SMC3: variants seen among roughly 807,000 people sequenced by gnomAD.
The protein encoded by SMC3 is structural maintenance of chromosomes protein 3.
SMC3 carries 20 observed loss-of-function variants against 171.8 expected under a neutral mutation model. The observed-to-expected ratio is 0.12, with a 90% confidence interval of 0.08 to 0.17. The LOEUF (loss-of-function observed/expected upper bound fraction) is 0.17. Among genes scored for constraint, SMC3 ranks in the 10% least tolerant of loss-of-function variants. The pLI, the probability that SMC3 is intolerant of heterozygous loss-of-function variation, is 1.00. For missense variants in SMC3, 543 were observed against 1,420.4 expected (o/e 0.38, Z 9.93); for synonymous variants, 464 against 451.1 (o/e 1.03, Z -0.36).
chr10:110,600,340 A>G, intron 21 of SMC3, 99 bp from the exon 22 acceptor site: 1 of 731,978 alleles, frequency 1.4e-6, no homozygotes, highest in Non-Finnish European at 2.5e-6. Flanking sequence ...ACTTCATTTC[A>G]GCTCACATGA....
chr10:110,567,884 T>G, intron 1 of SMC3, 53 bp downstream of exon 1: 2 of 1,607,514 alleles, frequency 1.2e-6, no homozygotes, highest in Non-Finnish European at 8.5e-7. Context: ...GGCCGCTCCT[T>G]GAGGCGGGAG....
rs1216925710 is a variant in SMC3 at position 110,583,966 on chromosome 10, T to C, written c.1091+4T>C. On this transcript the variant is annotated splice_donor_region_variant and intron_variant, in intron 12 of 28. Coordinates refer to ENST00000361804, the MANE Select transcript of SMC3 (RefSeq NM_005445.4). ...AAGAAGAACGAGGAATTGCTAGGTC[T>C]GAGAACTTTCACCAACACTTTAACT... The C allele has an allele frequency of 6.2e-7, 1 of 1,613,242 alleles. No homozygotes were observed.
chr10:110,578,502 A>T, intron 6 of SMC3, 126 bp from the exon 7 acceptor site: 1 of 695,076 alleles, frequency 1.4e-6, no homozygotes, highest in Non-Finnish European at 2.6e-6. Flanking sequence ...AGTTCTGAGG[A>T]TGATACAGAT....
chr10:110,590,778 G>A lies in SMC3; in HGVS notation c.1670+206G>A, dbSNP rs140478326. Among the ~76,000 whole-genome samples the A allele has an allele frequency of 0.021, 3,250 of 152,126 alleles. 44 individuals are homozygous for A. The highest frequency in any genetic ancestry group is 0.048 in the Admixed American group (739 of 15,288). ...CTCTTTTGGGAGTTTCTCCCTCCCC[G>A]CCATTGGAATTTTTAAAGTAGTCTT... On this transcript the variant is annotated intron_variant, in intron 16 of 28. Coordinates refer to ENST00000361804, the MANE Select transcript of SMC3 (RefSeq NM_005445.4).
Position 110,598,302 on chromosome 10 carries a change from T to C in SMC3, c.2268+12T>C. ...CCTTCATGCCTAAGGTTCGTAAGTA[T>C]ATCTTTGGTTATAGATCGATTGTTA... On this transcript the variant is annotated intron_variant, in intron 20 of 28. Transcript: ENST00000361804. The C allele has an allele frequency of 1.9e-6, 3 of 1,611,390 alleles. No homozygotes were observed. The highest frequency in any genetic ancestry group is 1.1e-5 in the South Asian group (1 of 90,998).
At chr10:110,602,425 ATATATAATTCTAAGCAAAATT>A in intron 25 of SMC3, 28 bp from the exon 26 acceptor site, 1 of 1,421,972 alleles carries the variant, frequency 7.0e-7, no homozygotes, top group East Asian at 2.4e-5. Context: ...CTTAAGTGTT[ATATATAATTCTAAGCAAAATT>A]TATATTTCAA....
At chr10:110,587,138 A>C (rs940239714) in intron 13 of SMC3, among the ~76,000 whole-genome samples, 13 of 152,184 alleles carry the variant, frequency 8.5e-5, no homozygotes, top group African/African-American at 2.7e-4. Context: ...TTTCTAACTT[A>C]TGTCAGTGGT....
intron 8 of SMC3, among the ~76,000 whole-genome samples, chr10:110,581,604 C>G (rs1020572857): frequency 2.6e-5 from 4 of 152,094 alleles, no homozygotes; most frequent in African/African-American, 9.7e-5. Flanking sequence ...TAAATTTGTT[C>G]TCTGGTGCTT....
chr10:110,597,495 G>T (rs1861318416), intron 19 of SMC3, among the ~76,000 whole-genome samples: 1 of 152,166 alleles, frequency 6.6e-6, no homozygotes, highest in South Asian at 2.1e-4. Context: ...GGTGAAACTG[G>T]AATTTTTTTA....
At chr10:110,600,631 G>GA (rs1861372209) in intron 22 of SMC3, 85 bp downstream of exon 22, 2 of 771,290 alleles carry the variant, frequency 2.6e-6, no homozygotes, top group East Asian at 5.0e-5. Flanking sequence ...GGCTCTGATT[G>GA]AAAGCATGGG....
intron 8 of SMC3, 24 bp from the exon 9 acceptor site, chr10:110,581,899 A>G (rs745872042): frequency 1.3e-6 from 2 of 1,595,430 alleles, no homozygotes; most frequent in Non-Finnish European, 1.7e-6. Flanking sequence ...CAATTCTTCC[A>G]CCTCTCTCCC....
chr10:110,577,549 C>G (rs1321795525), intron 5 of SMC3, 57 bp downstream of exon 5: 2 of 1,235,348 alleles, frequency 1.6e-6, no homozygotes, highest in African/African-American at 3.0e-5. Flanking sequence ...AGCTGATTTT[C>G]TTCATACTTT....
At position 110,575,491 on chromosome 10, in the gene SMC3, GT is replaced by G. The variant is rs1860933741; in HGVS notation, c.198+91del. 15 of 954,142 alleles carry G rather than the reference GT, an allele frequency of 1.6e-5. No individual in the cohort carries two copies. In the South Asian group the frequency reaches 2.0e-4, roughly 12 times the overall value. The allele number at this position is 954,142 out of a possible 1,614,324, so 59.1% of individuals were successfully genotyped here. On this transcript the variant is annotated intron_variant, in intron 4 of 28. Transcript: ENST00000361804. ...GCTGGTTAAAAAAGCATTTGTTCAA[GT>G]TTCAGATTCTTTGTGAACAAGACAC...
chr10:110,597,789 A>G (rs1230836237), intron 19 of SMC3, among the ~76,000 whole-genome samples: 1 of 152,236 alleles, frequency 6.6e-6, no homozygotes, highest in Non-Finnish European at 1.5e-5. Flanking sequence ...TGCCTTAAGC[A>G]TAGTAACAGT....
chr10:110,573,367 C>T (rs995530722), intron 2 of SMC3, among the ~76,000 whole-genome samples: 1 of 152,048 alleles, frequency 6.6e-6, no homozygotes. Flanking sequence ...AATTGTTAAA[C>T]ATATATAGTT....
intron 1 of SMC3, 110 bp downstream of exon 1, chr10:110,567,941 C>A: frequency 7.4e-7 from 1 of 1,355,916 alleles, no homozygotes; most frequent in Non-Finnish European, 1.0e-6. Context: ...ACAGGCTGGA[C>A]CAGGGCTGGG....
intron 11 of SMC3, 138 bp from the exon 12 acceptor site, chr10:110,583,703 C>T: frequency 1.7e-6 from 2 of 1,198,714 alleles, no homozygotes; most frequent in East Asian, 2.4e-5. Context: ...GGTACTGTCC[C>T]TTTGTTTCTT....
chr10:110,569,807 A>C (rs1234645508), intron 2 of SMC3, among the ~76,000 whole-genome samples: 1 of 152,220 alleles, frequency 6.6e-6, no homozygotes, highest in Non-Finnish European at 1.5e-5. Context: ...AACAATATGT[A>C]GTCATTATAG....
chr10:110,573,256 T>A (rs1860898351), intron 2 of SMC3, among the ~76,000 whole-genome samples: 1 of 152,108 alleles, frequency 6.6e-6, no homozygotes, highest in Admixed American at 6.5e-5. Context: ...TTTGTGGTTC[T>A]GTGAGACTAC....
Sources: gnomAD v4.1 joint callset for allele counts (sites outside exome capture counted in the v4.1 genomes callset) on GRCh38, gnomAD v4.1.1 for gene constraint, MANE v1.5 for transcripts, NCBI Gene and HGNC (gene_info 2026-07-23, HGNC 2026-07-21) for gene names.